ARHGAP32: variants seen among roughly 807,000 people sequenced by gnomAD.
ARHGAP32 encodes the protein rho GTPase-activating protein 32.
A neutral mutation model predicts 186.5 loss-of-function variants in ARHGAP32; 51 were observed. The observed-to-expected ratio is 0.27, with a 90% CI of 0.22 to 0.35. The LOEUF is 0.35. Ranked by LOEUF, ARHGAP32 falls within the 10% of genes least tolerant of loss-of-function variation. The pLI is 1.00. For synonymous variants in ARHGAP32, 950 were observed against 964.3 expected, an observed-to-expected ratio of 0.99 and a Z score of 0.27; for missense variants, 2,186 against 2,623.5, an observed-to-expected ratio of 0.83 and a Z score of 3.64.
upstream of ARHGAP32, among the ~76,000 whole-genome samples, chr11:129,193,690 T>C (rs1483625994): frequency 3.6e-5 from 1 of 27,796 alleles, no homozygotes; most frequent in Admixed American, 7.5e-4. Context: ...TAATATATAT[T>C]ATATAATATA....
intron 1 of ARHGAP32, among the ~76,000 whole-genome samples, chr11:129,252,615 G>A (rs1945200124): frequency 6.6e-6 from 1 of 152,198 alleles, no homozygotes; most frequent in Admixed American, 6.5e-5. Flanking sequence ...GGAGGGGCAA[G>A]GTTCAAGTGT....
chr11:129,014,985 G>A (rs1007926118), intron 11 of ARHGAP32, among the ~76,000 whole-genome samples: 1 of 151,884 alleles, frequency 6.6e-6, no homozygotes, highest in African/African-American at 2.4e-5. Context: ...TTTAAAGCAC[G>A]ACAATATATC....
At chr11:129,248,473 A>G (rs1945134055) in intron 1 of ARHGAP32, among the ~76,000 whole-genome samples, 1 of 152,190 alleles carries the variant, frequency 6.6e-6, no homozygotes, top group Admixed American at 6.5e-5. Flanking sequence ...ATGCTTCACC[A>G]ACACCTCAAC....
At chr11:129,244,650 G>C (rs564764277) in intron 1 of ARHGAP32, among the ~76,000 whole-genome samples, 1 of 151,862 alleles carries the variant, frequency 6.6e-6, no homozygotes, top group Non-Finnish European at 1.5e-5. Context: ...TACCATCAGA[G>C]TGAACAGGCA....
At position 128,969,834 on chromosome 11, in the gene ARHGAP32, C is replaced by A. The variant is rs371954838; in HGVS notation, c.5379G>T (p.Ala1793=). 2.5e-6 allele frequency: 4 copies of A among 1,614,038 alleles called. No homozygotes were observed. Among genetic ancestry groups the A allele is most frequent in the African/African-American group, 1.3e-5 (1 of 74,904 alleles). The change falls in exon 23 of 23, where the codon GCG becomes GCT. Residue 1793 remains alanine, a synonymous_variant. Coordinates refer to ENST00000682385, the MANE Select transcript of ARHGAP32 (RefSeq NM_001378024.1). The surrounding 1 kb of genome is among the most constrained non-coding windows in gnomAD (Gnocchi z 4.8). ...AGATCCCACCCAAGTCGTCCTGCAC[C>A]GCCGGGGTCATGTTATCATATTGGG... is the stretch of plus-strand genomic sequence containing the variant. ...VMSQYDNMTP[A]VQDDLGGIYV...
rs375010388 is a variant in ARHGAP32 at position 129,065,862 on chromosome 11, G to A, written c.669+869C>T. Among the ~76,000 whole-genome samples, 17 of 151,908 alleles carry A rather than the reference G, an allele frequency of 1.1e-4. No homozygotes were observed. The East Asian group carries it at 1.5e-3, about 14-fold the overall frequency. On this transcript the variant is annotated intron_variant, in intron 7 of 22. Transcript: ENST00000682385. ...TTCTCTCACAACTTTTTAACTTTCC[G>A]TCCCTTCCAGGGGTTGTATTCTTAT...
At chr11:129,090,275 G>A (rs1406585441) in intron 6 of ARHGAP32, among the ~76,000 whole-genome samples, 2 of 152,132 alleles carry the variant, frequency 1.3e-5, no homozygotes, top group African/African-American at 2.4e-5. Flanking sequence ...TTTTGATGAT[G>A]GAATTTCAAG....
Position 128,972,954 on chromosome 11 carries a change from G to T in ARHGAP32, c.3552C>A (p.Pro1184=), listed in dbSNP as rs771583540. The T allele has an allele frequency of 6.2e-7, 1 of 1,614,010 alleles. No individual in the cohort carries two copies. The highest frequency in any genetic ancestry group is 1.1e-5 in the South Asian group (1 of 91,076). The change falls in exon 22 of 23, where the codon CCC becomes CCA. Residue 1184 remains proline (P), a synonymous_variant. Coordinates refer to ENST00000682385, the MANE Select transcript of ARHGAP32 (RefSeq NM_001378024.1). ...GATCATCAGACTTCTCTGAGTCTAA[G>T]GGAACTGAAGTAATTCTGGCCTTTT... ...DPEKARITSV[P]LDSEKSDDHV... is the part of the protein sequence containing the mutation.
At chr11:129,256,488 G>A (rs942938763) in intron 1 of ARHGAP32, among the ~76,000 whole-genome samples, 4 of 152,038 alleles carry the variant, frequency 2.6e-5, no homozygotes, top group African/African-American at 9.7e-5. Context: ...ATGAAGCCGG[G>A]GACTTAAACT....
intron 1 of ARHGAP32, among the ~76,000 whole-genome samples, chr11:129,220,694 G>C (rs1007263475): frequency 6.6e-6 from 1 of 152,132 alleles, no homozygotes; most frequent in African/African-American, 2.4e-5. Flanking sequence ...CTCCACTCTA[G>C]AACTAGTAAA....
intron 1 of ARHGAP32, among the ~76,000 whole-genome samples, chr11:129,275,539 T>C (rs1198879016): frequency 1.3e-5 from 2 of 152,208 alleles, no homozygotes; most frequent in East Asian, 3.9e-4. Context: ...TGATAGGAAA[T>C]AGCACATATG....
At chr11:129,200,569 T>C (rs754143815) in intron 1 of ARHGAP32, among the ~76,000 whole-genome samples, 16 of 152,182 alleles carry the variant, frequency 1.1e-4, no homozygotes, top group South Asian at 2.1e-4. Flanking sequence ...CCGAGCCACA[T>C]AGAACTGTGA....
chr11:129,071,238 A>G (rs1940856737), intron 6 of ARHGAP32, among the ~76,000 whole-genome samples: 1 of 152,020 alleles, frequency 6.6e-6, no homozygotes, highest in Admixed American at 6.6e-5. Context: ...TCAAACTAAA[A>G]AGCTTCTGCA....
intron 5 of ARHGAP32, among the ~76,000 whole-genome samples, chr11:129,111,607 T>C (rs956692780): frequency 1.3e-5 from 2 of 152,194 alleles, no homozygotes; most frequent in Non-Finnish European, 2.9e-5. Context: ...TTTCTAAGTC[T>C]TCCTGATTCA....
intron 10 of ARHGAP32, among the ~76,000 whole-genome samples, chr11:129,055,912 G>A (rs1340363192): frequency 2.0e-5 from 3 of 152,102 alleles, no homozygotes; most frequent in Non-Finnish European, 4.4e-5. Flanking sequence ...CATAAACAAT[G>A]GACTTTAGTT....
chr11:129,059,486 C>T (rs1334828841), intron 10 of ARHGAP32, among the ~76,000 whole-genome samples: 1 of 146,952 alleles, frequency 6.8e-6, no homozygotes, highest in Non-Finnish European at 1.5e-5. Flanking sequence ...CCTTAAAATA[C>T]TGATTTGCAA....
chr11:128,969,841 G>A lies in ARHGAP32; in HGVS notation c.5372C>T (p.Thr1791Ile). ...ACCCAAGTCGTCCTGCACCGCCGGG[G>A]TCATGTTATCATATTGGGACATGAC... is the stretch of plus-strand genomic sequence containing the variant. ...GPVMSQYDNMTPAVQDDLGGI... is the reference protein window; with the variant it reads ...GPVMSQYDNMIPAVQDDLGGI... The change falls in exon 23 of 23, where the codon ACC becomes ATC. Residue 1791 changes from threonine to isoleucine, a missense_variant. Physicochemically the swap from Thr to Ile is moderately conservative, Grantham distance 89 (BLOSUM62 -1). Coordinates refer to ENST00000682385, the MANE Select transcript of ARHGAP32 (RefSeq NM_001378024.1). This position sits in a 1 kb window ranked among gnomAD's most constrained non-coding sequence, Gnocchi z 4.8. The A allele has an allele frequency of 6.2e-7, 1 of 1,614,188 alleles. No individual in the cohort carries two copies. The highest frequency in any genetic ancestry group is 8.5e-7 in the Non-Finnish European group (1 of 1,180,036).
intron 7 of ARHGAP32, among the ~76,000 whole-genome samples, chr11:129,065,485 A>G (rs543510453): frequency 6.6e-6 from 1 of 152,270 alleles, no homozygotes; most frequent in African/African-American, 2.4e-5. Context: ...AAAAGGGGAT[A>G]AAAACCTGGG....
chr11:129,240,529 A>C (rs1591713432), intron 1 of ARHGAP32, among the ~76,000 whole-genome samples: 1 of 152,164 alleles, frequency 6.6e-6, no homozygotes, highest in African/African-American at 2.4e-5. Flanking sequence ...TACCCTTCTC[A>C]CAGGATATTT....
Sources: allele counts gnomAD v4.1 joint callset (sites outside exome capture counted in the v4.1 genomes callset), GRCh38; gene constraint gnomAD v4.1.1; non-coding constraint Gnocchi (gnomAD v3.1); transcripts MANE v1.5; gene names NCBI Gene and HGNC (gene_info 2026-07-23, HGNC 2026-07-21).